Variants in NFU1 observed in about 807,000 individuals in gnomAD.
The protein encoded by NFU1 is NFU1 iron-sulfur cluster scaffold homolog, mitochondrial.
NFU1 carries 30 observed loss-of-function variants against 32.2 expected under a neutral mutation model. The observed-to-expected ratio is 0.93, with a 90% CI of 0.70 to 1.26. The LOEUF (loss-of-function observed/expected upper bound fraction) is 1.26, where lower values mean the gene tolerates loss of function less well. Ranked by LOEUF, NFU1 falls within the 50% of genes most tolerant of loss-of-function variation. NFU1 has a pLI of 0.00. For missense variants in NFU1, 306 were observed against 306.6 expected, an observed-to-expected ratio of 1.00 and a Z score of 0.02; for synonymous variants, 112 against 104.6, an observed-to-expected ratio of 1.07 and a Z score of -0.43.
upstream of NFU1, among the ~76,000 whole-genome samples, chr2:69,438,704 A>C (rs1393148052): frequency 6.6e-6 from 1 of 152,140 alleles, no homozygotes; most frequent in Non-Finnish European, 1.5e-5. Flanking sequence ...AGACAACCCT[A>C]GTAATTTCTA....
In NFU1 at chr2:69,417,135, G is replaced by T. The variant is rs1363639683; in HGVS notation, c.370-1836C>A. Among the ~76,000 whole-genome samples the T allele has an allele frequency of 2.0e-5, 3 of 151,938 alleles. No homozygotes were observed. In the East Asian group the frequency reaches 5.8e-4, roughly 29 times the overall value. On this transcript the variant is annotated intron_variant, in intron 4 of 7. Transcript: ENST00000410022. ...TAAAAAGAAAAAATATTCTAAAGTT[G>T]TCTGAATGAGAAAAAAAGGGCAGCA...
intron 3 of NFU1, among the ~76,000 whole-genome samples, chr2:69,421,562 CTTTTTTTTTT>C (rs763705011): frequency 1.6e-4 from 11 of 70,742 alleles, no homozygotes; most frequent in African/African-American, 4.1e-4. Flanking sequence ...ATCATTTGTG[CTTTTTTTTTT>C]TTTTTTTTTT....
At chr2:69,419,999 G>A (rs1438385082) in intron 3 of NFU1, among the ~76,000 whole-genome samples, 1 of 133,644 alleles carries the variant, frequency 7.5e-6, no homozygotes, top group Non-Finnish European at 1.6e-5. Flanking sequence ...GCACTAAACA[G>A]ACTATTTTTT....
intron 7 of NFU1, among the ~76,000 whole-genome samples, chr2:69,397,192 T>C (rs1164349638): frequency 6.6e-6 from 1 of 152,154 alleles, no homozygotes; most frequent in Non-Finnish European, 1.5e-5. Context: ...TATACCAAAT[T>C]GTTATTTTAA....
chr2:69,401,898 C>CT (rs10707742), intron 6 of NFU1, among the ~76,000 whole-genome samples: 53 of 145,046 alleles, frequency 3.7e-4, no homozygotes, highest in Middle Eastern at 3.6e-3. Flanking sequence ...ATCTTTTTTC[C>CT]TTTTTTTTTT....
intron 7 of NFU1, among the ~76,000 whole-genome samples, chr2:69,397,307 T>C (rs139153443): frequency 6.6e-6 from 1 of 152,304 alleles, no homozygotes; most frequent in African/African-American, 2.4e-5. Flanking sequence ...CTTACTGAGA[T>C]AAAAGATCAT....
intron 7 of NFU1, among the ~76,000 whole-genome samples, chr2:69,397,733 C>G (rs1672386933): frequency 6.6e-6 from 1 of 151,496 alleles, no homozygotes. Flanking sequence ...GTCAACATGG[C>G]GAAACCCCCA....
chr2:69,431,031 C>G (rs1673621308), intron 2 of NFU1, among the ~76,000 whole-genome samples: 1 of 152,148 alleles, frequency 6.6e-6, no homozygotes, highest in African/African-American at 2.4e-5. Context: ...AGTCATCACA[C>G]TTCAAATTAT....
intron 1 of NFU1, among the ~76,000 whole-genome samples, chr2:69,436,310 TA>T (rs1233093504): frequency 5.3e-5 from 8 of 152,216 alleles, no homozygotes; most frequent in African/African-American, 1.4e-4. Context: ...TACCATTATT[TA>T]ATTGGTGCCC....
At position 69,415,416 on chromosome 2, in the gene NFU1, C is replaced by T. The variant is rs527439623; in HGVS notation, c.370-117G>A. The T allele has an allele frequency of 1.2e-5, 8 of 672,858 alleles. No individual in the cohort carries two copies. In the South Asian group the frequency reaches 1.3e-4, roughly 11 times the overall value. The allele number at this position is 672,858 out of a possible 1,614,324, so 41.7% of individuals were successfully genotyped here. The stretch of plus-strand genomic sequence containing the variant: ...TTTGAGATGGAGTCTCACTCTGTTG[C>T]CCAGGCTGGATGGAGTACAGTGGTG... On this transcript the variant is annotated intron_variant, in intron 4 of 7. Coordinates refer to ENST00000410022, the MANE Select transcript of NFU1 (RefSeq NM_001002755.4).
intron 6 of NFU1, among the ~76,000 whole-genome samples, chr2:69,405,166 G>A (rs1198009439): frequency 6.6e-6 from 1 of 152,074 alleles, no homozygotes; most frequent in Non-Finnish European, 1.5e-5. Flanking sequence ...AGAACCGCTT[G>A]AACCCGGGAG....
intron 5 of NFU1, among the ~76,000 whole-genome samples, chr2:69,413,238 T>A (rs189420434): frequency 0.012 from 1,726 of 146,038 alleles, 32 homozygotes; most frequent in African/African-American, 0.042. Context: ...TGAGCTGAGA[T>A]CGCGCCATTG....
chr2:69,429,971 G>A, intron 2 of NFU1: 1 of 322,714 alleles, frequency 3.1e-6, no homozygotes, highest in Non-Finnish European at 6.2e-6. Context: ...GGAGGTTACA[G>A]TGAGCCAAGA....
chr2:69,400,682 G>T, intron 6 of NFU1, 144 bp from the exon 7 acceptor site: 2 of 667,040 alleles, frequency 3.0e-6, no homozygotes, highest in South Asian at 2.5e-5. Flanking sequence ...TAATAACTGT[G>T]GCTAAGTTTT....
chr2:69,437,367 C>A lies in NFU1; in HGVS notation c.56G>T (p.Arg19Leu), dbSNP rs377240857. 19 of 1,607,658 alleles carry A rather than the reference C, an allele frequency of 1.2e-5. No homozygotes were observed. The highest frequency in any genetic ancestry group is 1.5e-5 in the Non-Finnish European group (18 of 1,178,604). Residue 19 changes from arginine (R) to leucine (L), a missense_variant, in exon 1 of 8, where the codon CGC becomes CTC. By Grantham distance (102) the Arg-to-Leu change is moderately radical. Coordinates refer to ENST00000410022, the MANE Select transcript of NFU1 (RefSeq NM_001002755.4). The part of the protein sequence containing the change: ...WGAAAVAAGL[R>L]RRFCHMLKNP... ...CTCCAGGCTCGTCACCTACCGCCTG[C>A]GCAGCCCGGCGGCAACAGCCGCAGC...
At position 69,409,822 on chromosome 2, in the gene NFU1, C is replaced by T. The variant is rs995263339; in HGVS notation, c.485-3740G>A. Among the ~76,000 whole-genome samples the T allele has an allele frequency of 2.3e-4, 35 of 152,140 alleles. 1 individual carries two copies. The highest frequency in any genetic ancestry group is 1.9e-3 in the Admixed American group (29 of 15,268). On this transcript the variant is annotated intron_variant, in intron 5 of 7. Coordinates refer to ENST00000410022, the MANE Select transcript of NFU1 (RefSeq NM_001002755.4). ...GGCATTCATCTACTATTGAGGGATC[C>T]ATCCCCATGACCCACTCACCTCCCA...
chr2:69,412,284 C>T (rs957114401), intron 5 of NFU1, among the ~76,000 whole-genome samples: 4 of 151,774 alleles, frequency 2.6e-5, no homozygotes, highest in Non-Finnish European at 4.4e-5. Flanking sequence ...CTCTTAACCT[C>T]GTGATCTGCC....
In NFU1 at chr2:69,415,258, A is replaced by G. The variant is rs12474866; in HGVS notation, c.411T>C (p.Ile137=). The part of the protein sequence containing the change: ...ELDWNLLKPD[I]YATIMDFFAS... The stretch of plus-strand genomic sequence containing the variant: ...CAAAGAAGTCCATGATTGTTGCATA[A>G]ATATCTGGTTTCAGTAAATTCCAGT... The change falls in exon 5 of 8, where the codon ATT becomes ATC. Residue 137 remains isoleucine, a synonymous_variant. Coordinates refer to ENST00000410022, the MANE Select transcript of NFU1 (RefSeq NM_001002755.4). 7,742 of 1,612,638 alleles carry G rather than the reference A, an allele frequency of 4.8e-3. 541 individuals are homozygous for G. The Admixed American group carries it at 0.12, about 25-fold the overall frequency.
intron 7 of NFU1, 111 bp from the exon 8 acceptor site, chr2:69,396,401 A>G (rs1672333443): frequency 1.4e-6 from 1 of 715,926 alleles, no homozygotes; most frequent in Non-Finnish European, 2.4e-6. Context: ...ATGAGGCATG[A>G]CAAGCCAGTA....
Sources: gnomAD v4.1 joint callset for allele counts (sites outside exome capture counted in the v4.1 genomes callset) on GRCh38, gnomAD v4.1.1 for gene constraint, MANE v1.5 for transcripts, NCBI Gene and HGNC (gene_info 2026-07-23, HGNC 2026-07-21) for gene names.